Variants in ANKFN1 observed in about 807,000 individuals in gnomAD.
ANKFN1 encodes the protein ankyrin repeat and fibronectin type III domain containing 1, also known as ankyrin repeat and fibronectin type-III domain-containing protein 1.
A neutral mutation model predicts 108.7 loss-of-function variants in ANKFN1; 74 were observed. The observed-to-expected ratio is 0.68, with a 90% CI of 0.56 to 0.83. ANKFN1 has a LOEUF of 0.83. Ranked by LOEUF, ANKFN1 falls within the 40% of genes least tolerant of loss-of-function variation. The pLI, the probability that ANKFN1 is intolerant of heterozygous loss-of-function variation, is 0.00. For missense variants in ANKFN1, 1,505 were observed against 1,382.3 expected (o/e 1.09, Z -1.41); for synonymous variants, 547 against 516.2 (o/e 1.06, Z -0.81).
chr17:56,501,436 G>C (rs1422114456), intron 20 of ANKFN1, among the ~76,000 whole-genome samples: 1 of 152,084 alleles, frequency 6.6e-6, no homozygotes, highest in Non-Finnish European at 1.5e-5. Flanking sequence ...GAGACACCAA[G>C]TTTTCTGGCT....
chr17:56,130,522 C>G (rs143544365), intron 4 of ANKFN1, among the ~76,000 whole-genome samples: 1 of 151,902 alleles, frequency 6.6e-6, no homozygotes. Context: ...CACTCAAAAT[C>G]GCTGCATCTT....
At position 56,062,573 on chromosome 17, in the gene ANKFN1, T is replaced by TTTTTTTTTTTTC. The variant is rs1555589520; in HGVS notation, c.288+16248_288+16249insTTTTTTTTTTTC. 1.4e-3 allele frequency among the ~76,000 whole-genome samples: 201 copies of TTTTTTTTTTTTC among 145,134 alleles called. 3 individuals are homozygous for TTTTTTTTTTTTC. Among genetic ancestry groups the TTTTTTTTTTTTC allele is most frequent in the African/African-American group, 5.4e-3 (189 of 35,242 alleles). On this transcript the variant is annotated intron_variant, in intron 4 of 12. Coordinates refer to the ANKFN1 transcript ENST00000635860. ...TGTAATCTCTGCTTTTTTTTTTTTT[T>TTTTTTTTTTTTC]CTTTCCATTTGCTTGGTAAATTTTC...
chr17:56,376,121 T>G (rs547249287), intron 8 of ANKFN1, among the ~76,000 whole-genome samples: 2 of 152,352 alleles, frequency 1.3e-5, no homozygotes, highest in African/African-American at 4.8e-5. Context: ...CAGGTCACTA[T>G]GGCTCTCTCT....
intron 1 of ANKFN1, among the ~76,000 whole-genome samples, chr17:56,165,925 A>G (rs1238707476): frequency 6.6e-6 from 1 of 152,138 alleles, no homozygotes; most frequent in African/African-American, 2.4e-5. Context: ...CTAGTCCATG[A>G]GTCCTAATTC....
At chr17:56,274,004 G>A (rs377552287) in intron 3 of ANKFN1, among the ~76,000 whole-genome samples, 3 of 152,232 alleles carry the variant, frequency 2.0e-5, no homozygotes, top group East Asian at 3.9e-4. Context: ...CCAAGAGCCT[G>A]GGCCAAAATC....
chr17:56,506,554 C>G (rs187438786), intron 20 of ANKFN1, among the ~76,000 whole-genome samples: 1 of 151,864 alleles, frequency 6.6e-6, no homozygotes, highest in South Asian at 2.1e-4. Context: ...TGATTTCAAA[C>G]TCTTGGCTTC....
At chr17:56,258,677 G>A (rs979158543) in intron 3 of ANKFN1, among the ~76,000 whole-genome samples, 8 of 152,178 alleles carry the variant, frequency 5.3e-5, no homozygotes, top group African/African-American at 1.7e-4. Context: ...TTGGGAGGCC[G>A]AGGCGGGCGG....
Position 56,477,562 on chromosome 17 carries a change from T to C in ANKFN1, c.1848T>C (p.Cys616=), listed in dbSNP as rs775729815. The C allele has an allele frequency of 3.1e-6, 5 of 1,613,698 alleles. No homozygotes were observed. The East Asian group carries it at 1.1e-4, about 36-fold the overall frequency. The change falls in exon 16 of 21, where the codon TGT becomes TGC. Residue 616 remains cysteine, a synonymous_variant. Transcript: ENST00000682825. ...TATATCTGGGTTACCTAAAGCTCTG[T>C]AGCTCTGTGGATCAAATCAAAGTTC... ...PGLYLGYLKL[C]SSVDQIKVLV... is the part of the protein sequence containing the mutation.
chr17:56,442,771 T>C, intron 9 of ANKFN1, 72 bp from the exon 10 acceptor site: 1 of 1,347,652 alleles, frequency 7.4e-7, no homozygotes, highest in Non-Finnish European at 1.1e-6. Flanking sequence ...AGTTATTAAA[T>C]TCTATACCCA....
At chr17:56,074,551 A>C (rs770115526) in intron 4 of ANKFN1, among the ~76,000 whole-genome samples, 1 of 152,178 alleles carries the variant, frequency 6.6e-6, no homozygotes, top group Non-Finnish European at 1.5e-5. Context: ...ACAGCTGGTG[A>C]GGGATTTCAT....
intron 3 of ANKFN1, among the ~76,000 whole-genome samples, chr17:56,244,956 T>A (rs1172434455): frequency 2.0e-5 from 3 of 152,178 alleles, no homozygotes; most frequent in Non-Finnish European, 4.4e-5. Context: ...TTTCAACATA[T>A]GTTTCCCAAA....
rs376046142 is a variant in ANKFN1 at position 56,354,031 on chromosome 17, C to T, written c.586C>T (p.Arg196Ter). 34 of 1,613,594 alleles carry T rather than the reference C, an allele frequency of 2.1e-5. No homozygotes were observed. The highest frequency in any genetic ancestry group is 2.7e-5 in the Non-Finnish European group (32 of 1,179,894). ...IARILLRTGARESPHFVSLES... is the reference protein window; with the variant it reads ...IARILLRTGA Reference sequence around the variant, plus strand: ...AAGGATTCTTCTGAGGACAGGGGCCCGAGAAAGTCCACACTGTAAGTAACC... The same window carrying T: ...AAGGATTCTTCTGAGGACAGGGGCCTGAGAAAGTCCACACTGTAAGTAACC... Residue 196 changes from arginine to a stop codon, truncating the protein, a stop_gained, in exon 6 of 21, where the codon CGA becomes TGA. Coordinates refer to ENST00000682825, the MANE Select transcript of ANKFN1 (RefSeq NM_001370326.1). LOFTEE classifies it high-confidence loss of function.
intron 3 of ANKFN1, among the ~76,000 whole-genome samples, chr17:56,242,947 G>A (rs573885477): frequency 3.3e-5 from 5 of 151,844 alleles, no homozygotes; most frequent in Non-Finnish European, 7.4e-5. Flanking sequence ...TTTGTTCTGT[G>A]TTCCTTTCAT....
chr17:56,296,832 T>C (rs912758499), intron 3 of ANKFN1, among the ~76,000 whole-genome samples: 6 of 152,228 alleles, frequency 3.9e-5, no homozygotes, highest in Admixed American at 3.9e-4. Context: ...ATTGGTAATA[T>C]GGGAAAAGTA....
At chr17:56,065,088 G>A (rs1408385956) in intron 4 of ANKFN1, among the ~76,000 whole-genome samples, 2 of 152,202 alleles carry the variant, frequency 1.3e-5, no homozygotes, top group Non-Finnish European at 2.9e-5. Context: ...TTCATTGGTG[G>A]TGAAGGATCC....
chr17:56,230,249 G>A (rs911927628), intron 3 of ANKFN1, among the ~76,000 whole-genome samples: 5 of 152,068 alleles, frequency 3.3e-5, no homozygotes, highest in African/African-American at 1.2e-4. Context: ...GAACTCAGGA[G>A]CAAAAATCAA....
chr17:56,248,406 A>G (rs2043164172), intron 3 of ANKFN1, among the ~76,000 whole-genome samples: 1 of 152,216 alleles, frequency 6.6e-6, no homozygotes. Context: ...CTCATTCATT[A>G]GTATACACAA....
chr17:56,415,270 C>A (rs746417552), intron 8 of ANKFN1, among the ~76,000 whole-genome samples: 6 of 152,096 alleles, frequency 3.9e-5, no homozygotes, highest in Admixed American at 2.0e-4. Context: ...GCAAATTATC[C>A]TTGTTGGCAG....
chr17:56,204,075 C>T (rs1016330503), intron 1 of ANKFN1, among the ~76,000 whole-genome samples: 1 of 152,230 alleles, frequency 6.6e-6, no homozygotes, highest in Non-Finnish European at 1.5e-5. Context: ...GAGACAGAGT[C>T]TCACTCTGTT....
Sources: allele counts gnomAD v4.1 joint callset (sites outside exome capture counted in the v4.1 genomes callset), GRCh38; gene constraint gnomAD v4.1.1; transcripts MANE v1.5; gene names NCBI Gene and HGNC (gene_info 2026-07-23, HGNC 2026-07-21).